The following DIS3L2 variants were observed in gnomAD, a reference collection of about 807,000 sequenced individuals.
DIS3L2 encodes DIS3-like exonuclease 2.
A neutral mutation model predicts 97.5 loss-of-function variants in DIS3L2; 34 were observed. The observed-to-expected ratio is 0.35, with a 90% CI of 0.27 to 0.46. The LOEUF (loss-of-function observed/expected upper bound fraction) is 0.46, where lower values mean the gene tolerates loss of function less well. Among genes scored for constraint, DIS3L2 ranks in the 20% least tolerant of loss-of-function variants. The pLI, the probability that DIS3L2 is intolerant of heterozygous loss-of-function variation, is 1.00. For synonymous variants in DIS3L2, 435 were observed against 445.2 expected, an observed-to-expected ratio of 0.98 and a Z score of 0.29; for missense variants, 1,038 against 1,146.0, an observed-to-expected ratio of 0.91 and a Z score of 1.36.
chr2:232,181,446 G>A (rs1250030370), intron 9 of DIS3L2, among the ~76,000 whole-genome samples: 1 of 152,090 alleles, frequency 6.6e-6, no homozygotes, highest in African/African-American at 2.4e-5. Flanking sequence ...CTTTCAGAGT[G>A]ACACCAATGA....
At chr2:232,307,225 G>C (rs1455881846) in intron 14 of DIS3L2, among the ~76,000 whole-genome samples, 1 of 152,188 alleles carries the variant, frequency 6.6e-6, no homozygotes, top group Non-Finnish European at 1.5e-5. Context: ...TACCCACAGT[G>C]CCTAATCCAC....
intron 13 of DIS3L2, among the ~76,000 whole-genome samples, chr2:232,287,094 A>G (rs957663833): frequency 6.6e-6 from 1 of 152,174 alleles, no homozygotes; most frequent in Non-Finnish European, 1.5e-5. Context: ...GACTAGACTA[A>G]AAAGTTAGAC....
At chr2:232,110,416 C>T (rs1378058259) in intron 6 of DIS3L2, among the ~76,000 whole-genome samples, 2 of 152,124 alleles carry the variant, frequency 1.3e-5, no homozygotes, top group East Asian at 1.9e-4. Flanking sequence ...GAGCACTATT[C>T]ACAATAGCAA....
At chr2:232,050,810 A>G (rs1323248624) in intron 5 of DIS3L2, among the ~76,000 whole-genome samples, 1 of 152,224 alleles carries the variant, frequency 6.6e-6, no homozygotes, top group Admixed American at 6.5e-5. Flanking sequence ...GAATTTGGAG[A>G]CCATTGCAGA....
At chr2:232,085,793 G>T (rs934429688) in intron 5 of DIS3L2, among the ~76,000 whole-genome samples, 1 of 151,910 alleles carries the variant, frequency 6.6e-6, no homozygotes, top group African/African-American at 2.4e-5. Flanking sequence ...ATCTGGATTG[G>T]TTTTTTATTT....
intron 14 of DIS3L2, among the ~76,000 whole-genome samples, chr2:232,306,506 A>T (rs1298865465): frequency 2.0e-5 from 3 of 152,148 alleles, no homozygotes; most frequent in African/African-American, 7.2e-5. Flanking sequence ...TTATTCTTCT[A>T]TACTCAATAA....
chr2:232,182,789 G>GCA (rs1045105328), intron 9 of DIS3L2, among the ~76,000 whole-genome samples: 2 of 151,896 alleles, frequency 1.3e-5, no homozygotes, highest in East Asian at 1.9e-4. Context: ...ACACACACAG[G>GCA]CACACACACA....
chr2:232,173,703 T>TTG (rs529447215), intron 9 of DIS3L2, among the ~76,000 whole-genome samples: 297 of 152,322 alleles, frequency 1.9e-3, no homozygotes, highest in African/African-American at 6.7e-3. Flanking sequence ...TGATTCTTTC[T>TTG]TCATGAAATT....
intron 8 of DIS3L2, among the ~76,000 whole-genome samples, chr2:232,154,972 G>GC (rs969312248): frequency 2.2e-5 from 3 of 138,716 alleles, no homozygotes; most frequent in Non-Finnish European, 3.1e-5. Flanking sequence ...TTTTCCAGGT[G>GC]CGTCCGTCAC....
intron 5 of DIS3L2, among the ~76,000 whole-genome samples, chr2:232,084,229 G>C (rs1005010038): frequency 3.3e-5 from 5 of 152,162 alleles, no homozygotes; most frequent in African/African-American, 9.7e-5. Context: ...AAGTGCAGAT[G>C]GGGGAGCTGG....
intron 14 of DIS3L2, 28 bp from the exon 15 acceptor site, chr2:232,329,785 T>TGCCGGGGGGGCG: frequency 2.0e-5 from 19 of 967,138 alleles, no homozygotes; most frequent in Admixed American, 3.4e-5. Flanking sequence ...ACCCCAGCGG[T>TGCCGGGGGGGCG]CCCTCCCATC....
In DIS3L2 at chr2:232,235,662, A is replaced by C. The variant is rs141394432; in HGVS notation, c.1205-2871A>C. Among the ~76,000 whole-genome samples, 12 of 152,320 alleles carry C rather than the reference A, an allele frequency of 7.9e-5. No individual in the cohort carries two copies. In the East Asian group the frequency reaches 2.3e-3, roughly 29 times the overall value. ...GACTGAATTTAAAATTATGGTTTAT[A>C]TCATGATGTAATAATCCTCTCTTTT... On this transcript the variant is annotated intron_variant, in intron 10 of 20. Coordinates refer to ENST00000325385, the MANE Select transcript of DIS3L2 (RefSeq NM_152383.5).
chr2:232,072,631 T>C (rs116384422), intron 5 of DIS3L2, among the ~76,000 whole-genome samples: 2,083 of 152,222 alleles, frequency 0.014, 22 homozygotes, highest in Middle Eastern at 0.024. Context: ...CACTCTGTTA[T>C]GTTGGGAATA....
At chr2:232,086,903 A>G (rs1010571506) in intron 5 of DIS3L2, among the ~76,000 whole-genome samples, 2 of 151,020 alleles carry the variant, frequency 1.3e-5, no homozygotes, top group Non-Finnish European at 3.0e-5. Context: ...GATGGTCTCA[A>G]TCTCCTGACC....
intron 1 of DIS3L2, among the ~76,000 whole-genome samples, chr2:231,988,284 CTTTCAAACTCACTCATG>C (rs1693478059): frequency 6.6e-6 from 1 of 152,202 alleles, no homozygotes; most frequent in African/African-American, 2.4e-5. Context: ...GAATCACTAT[CTTTCAAACTCACTCATG>C]TTGAAGGGCA....
intron 13 of DIS3L2, among the ~76,000 whole-genome samples, chr2:232,291,063 A>G (rs971046941): frequency 6.6e-6 from 1 of 152,156 alleles, no homozygotes; most frequent in Non-Finnish European, 1.5e-5. Context: ...TGGGGAGGAA[A>G]ATCCTGCTGA....
chr2:231,994,815 CT>C (rs560154000), intron 1 of DIS3L2, among the ~76,000 whole-genome samples: 150 of 134,372 alleles, frequency 1.1e-3, no homozygotes, highest in Admixed American at 1.6e-3. Flanking sequence ...CATTCTTTTT[CT>C]TTTTTTTTTT....
chr2:232,343,640 G>A (rs1292389831), exon 14 of DIS3L2: 16 of 1,502,538 alleles, frequency 1.1e-5, no homozygotes, highest in Middle Eastern at 2.1e-4. Flanking sequence ...AACAGGTAAA[G>A]GCTGAAAAGG....
chr2:232,144,034 T>C (rs1389338816), intron 8 of DIS3L2, among the ~76,000 whole-genome samples: 1 of 152,156 alleles, frequency 6.6e-6, no homozygotes, highest in African/African-American at 2.4e-5. Context: ...TACTCACATA[T>C]TTCACTCATT....
Sources: gnomAD v4.1 joint callset for allele counts (sites outside exome capture counted in the v4.1 genomes callset) on GRCh38, gnomAD v4.1.1 for gene constraint, MANE v1.5 for transcripts, NCBI Gene and HGNC (gene_info 2026-07-23, HGNC 2026-07-21) for gene names.